Variants in LRRC7 observed in about 807,000 individuals in gnomAD.
The protein encoded by LRRC7 is leucine-rich repeat-containing protein 7.
A neutral mutation model predicts 175.7 loss-of-function variants in LRRC7; 23 were observed. That is an observed-to-expected ratio of 0.13 (90% confidence interval 0.09 to 0.19). The LOEUF (loss-of-function observed/expected upper bound fraction) is 0.19. LRRC7 is among the 10% of genes least tolerant of loss of function. LRRC7 has a pLI of 1.00. For synonymous variants in LRRC7, 685 were observed against 680.9 expected, an observed-to-expected ratio of 1.01 and a Z score of -0.09; for missense variants, 1,354 against 1,904.7, an observed-to-expected ratio of 0.71 and a Z score of 5.38.
At chr1:69,966,861 A>C (rs575929881) in intron 8 of LRRC7, among the ~76,000 whole-genome samples, 4 of 152,370 alleles carry the variant, frequency 2.6e-5, no homozygotes, top group African/African-American at 9.6e-5. Context: ...GTCCTTAAGC[A>C]GGGCTGCCAG....
intron 8 of LRRC7, among the ~76,000 whole-genome samples, chr1:69,966,835 G>T (rs1651709899): frequency 6.6e-6 from 1 of 152,228 alleles, no homozygotes; most frequent in African/African-American, 2.4e-5. Context: ...AGCCATTTCT[G>T]CCTGGTCTCA....
In LRRC7 at chr1:69,618,405, C is replaced by G. The variant is rs146112805; in HGVS notation, c.2+49764C>G. 8.5e-5 allele frequency among the ~76,000 whole-genome samples: 13 copies of G among 152,278 alleles called. No individual in the cohort carries two copies. The East Asian group carries it at 2.1e-3, about 25-fold the overall frequency. ...ATTTCAGTCAATTCTGTTTCAGCAA[C>G]TATACCCAAAGTTCTTTCATCTTCA... On this transcript the variant is annotated intron_variant, in intron 1 of 26. Transcript: ENST00000651989.
At chr1:69,869,597 T>A (rs527330161) in intron 7 of LRRC7, among the ~76,000 whole-genome samples, 27 of 152,114 alleles carry the variant, frequency 1.8e-4, no homozygotes, top group African/African-American at 6.5e-4. Context: ...TGAGAGCCCA[T>A]CCTCACATAC....
chr1:69,825,159 ACTG>A (rs1679760689), intron 4 of LRRC7, among the ~76,000 whole-genome samples: 1 of 152,142 alleles, frequency 6.6e-6, no homozygotes, highest in Non-Finnish European at 1.5e-5. Context: ...CCCAAGGAAA[ACTG>A]CTTGTCTCTT....
chr1:69,724,108 A>C (rs1361915099), intron 2 of LRRC7, among the ~76,000 whole-genome samples: 1 of 152,178 alleles, frequency 6.6e-6, no homozygotes, highest in Non-Finnish European at 1.5e-5. Flanking sequence ...GACTGTTTAA[A>C]ATTGAGCACA....
chr1:69,697,018 A>T (rs1471815457), intron 2 of LRRC7, among the ~76,000 whole-genome samples: 1 of 152,194 alleles, frequency 6.6e-6, no homozygotes, highest in Non-Finnish European at 1.5e-5. Context: ...CCTTTTTAAG[A>T]TCAATCAGAT....
At chr1:69,676,379 T>A (rs930489112) in intron 1 of LRRC7, among the ~76,000 whole-genome samples, 3 of 152,116 alleles carry the variant, frequency 2.0e-5, no homozygotes, top group African/African-American at 7.2e-5. Flanking sequence ...ATATCCCTGG[T>A]TGAGGATAAT....
At chr1:69,570,267 A>G (rs139309207) in intron 1 of LRRC7, among the ~76,000 whole-genome samples, 1 of 152,064 alleles carries the variant, frequency 6.6e-6, no homozygotes, top group East Asian at 1.9e-4. Flanking sequence ...GCCTGAGCCT[A>G]TGAGATGTTC....
At chr1:69,926,130 C>T (rs1276856074) in intron 7 of LRRC7, among the ~76,000 whole-genome samples, 1 of 150,620 alleles carries the variant, frequency 6.6e-6, no homozygotes, top group African/African-American at 2.4e-5. Flanking sequence ...TTTGTTAGTC[C>T]TGAGTTCTAG....
At position 69,888,810 on chromosome 1, in the gene LRRC7, C is replaced by T. The variant is rs144256460; in HGVS notation, c.648-42697C>T. 3.3e-3 allele frequency among the ~76,000 whole-genome samples: 495 copies of T among 151,978 alleles called. 1 individual carries two copies. Among genetic ancestry groups the T allele is most frequent in the African/African-American group, 0.011 (447 of 41,456 alleles). Reference sequence around the variant, plus strand: ...ATGGGGAGATGTAGCCCAAAGGAGACAAACTTGCAGTTGTAAAATGGATAC... The same window carrying T: ...ATGGGGAGATGTAGCCCAAAGGAGATAAACTTGCAGTTGTAAAATGGATAC... On this transcript the variant is annotated intron_variant, in intron 7 of 26. Transcript: ENST00000651989.
chr1:70,082,797 T>TTTTTTTTTTTTTTTTTTTTTTTTTTTA (rs1663314491), intron 24 of LRRC7, among the ~76,000 whole-genome samples: 1 of 111,984 alleles, frequency 8.9e-6, no homozygotes, highest in Non-Finnish European at 1.8e-5. Flanking sequence ...TTTTTTTTTT[T>TTTTTTTTTTTTTTTTTTTTTTTTTTTA]TTTTTTTTTT....
At chr1:69,571,077 AATG>A (rs1645721302) in intron 1 of LRRC7, among the ~76,000 whole-genome samples, 1 of 152,312 alleles carries the variant, frequency 6.6e-6, no homozygotes, top group East Asian at 1.9e-4. Flanking sequence ...ACTAATATGT[AATG>A]ATAAGAAAAA....
chr1:69,680,591 G>A (rs1660351715), intron 2 of LRRC7, among the ~76,000 whole-genome samples: 1 of 151,474 alleles, frequency 6.6e-6, no homozygotes, highest in African/African-American at 2.4e-5. Flanking sequence ...TTGCATAGAG[G>A]TCTTTATTTT....
In LRRC7 at chr1:70,129,555, T is replaced by G. The variant is rs1666584469; in HGVS notation, c.*7668T>G. On this transcript the variant is annotated 3_prime_UTR_variant, in exon 27 of 27. Transcript: ENST00000651989. ...GTGTGGGGGGGTTGCTTGAAAAGAG[T>G]CTTCTAGGTTCAGCGGCCCCAAAAA... Among the ~76,000 whole-genome samples, 1 of 151,718 alleles carries G rather than the reference T, an allele frequency of 6.6e-6. No homozygotes were observed. Among genetic ancestry groups the G allele is most frequent in the African/African-American group, 2.4e-5 (1 of 41,264 alleles).
intron 7 of LRRC7, among the ~76,000 whole-genome samples, chr1:69,856,724 A>G (rs1201855875): frequency 1.3e-5 from 2 of 152,206 alleles, no homozygotes; most frequent in East Asian, 1.9e-4. Context: ...AACTATTCCA[A>G]TCAATAGAAA....
chr1:69,702,455 C>A (rs1663481954), intron 2 of LRRC7, among the ~76,000 whole-genome samples: 1 of 152,120 alleles, frequency 6.6e-6, no homozygotes, highest in South Asian at 2.1e-4. Flanking sequence ...GTAGAACAAT[C>A]GTTCCTGCAT....
chr1:70,045,251 G>A (rs188836850), intron 22 of LRRC7, among the ~76,000 whole-genome samples: 1 of 152,138 alleles, frequency 6.6e-6, no homozygotes, highest in Admixed American at 6.6e-5. Flanking sequence ...GACCAGTGGA[G>A]TGCTGGTAAC....
chr1:69,888,227 C>T (rs1053479154), intron 7 of LRRC7, among the ~76,000 whole-genome samples: 9 of 152,100 alleles, frequency 5.9e-5, no homozygotes, highest in Non-Finnish European at 1.3e-4. Flanking sequence ...CTCACTGCCT[C>T]CTTGCAGTTT....
chr1:69,573,354 A>T (rs1471158480), intron 1 of LRRC7, among the ~76,000 whole-genome samples: 1 of 152,162 alleles, frequency 6.6e-6, no homozygotes, highest in East Asian at 1.9e-4. Flanking sequence ...CTGGTGTACA[A>T]AGAAAGATTA....
Sources: gnomAD v4.1 joint callset for allele counts (sites outside exome capture counted in the v4.1 genomes callset) on GRCh38, gnomAD v4.1.1 for gene constraint, MANE v1.5 for transcripts, NCBI Gene and HGNC (gene_info 2026-07-23, HGNC 2026-07-21) for gene names.